Variants in LZTFL1 observed in about 807,000 individuals in gnomAD.
LZTFL1 encodes leucine zipper transcription factor like 1.
LZTFL1 carries 25 observed loss-of-function variants against 45.9 expected under a neutral mutation model. The ratio of observed to expected loss-of-function variants is 0.54; its 90% CI spans 0.40 to 0.76. The LOEUF is 0.76. Among genes scored for constraint, LZTFL1 ranks in the 30% least tolerant of loss-of-function variants. The pLI is 0.00. For synonymous variants in LZTFL1, 93 were observed against 117.4 expected, an observed-to-expected ratio of 0.79 and a Z score of 1.35; for missense variants, 277 against 331.1, an observed-to-expected ratio of 0.84 and a Z score of 1.27.
At chr3:45,862,082 T>C (rs551637251) in intron 2 of LZTFL1, among the ~76,000 whole-genome samples, 5 of 152,332 alleles carry the variant, frequency 3.3e-5, no homozygotes, top group African/African-American at 1.2e-4. Context: ...TTATCAAATG[T>C]GTATTGAGCA....
At chr3:45,871,689 T>C (rs1456885419) in intron 2 of LZTFL1, among the ~76,000 whole-genome samples, 1 of 151,508 alleles carries the variant, frequency 6.6e-6, no homozygotes, top group African/African-American at 2.4e-5. Context: ...TTTTTTTCCA[T>C]AGAGTGACGC....
At position 45,826,273 on chromosome 3, in the gene LZTFL1, G is replaced by T; in HGVS notation, c.*41C>A. ...ATACATGCCTGAGGTGAGACTGCTT[G>T]TATGTTTGCATGTGGTAGCTTCCAG... On this transcript the variant is annotated 3_prime_UTR_variant, in exon 10 of 10. Transcript: ENST00000296135. 1 of 1,592,160 alleles carries T rather than the reference G, an allele frequency of 6.3e-7. No individual in the cohort carries two copies. Among genetic ancestry groups the T allele is most frequent in the Non-Finnish European group, 8.6e-7 (1 of 1,160,690 alleles).
At chr3:45,915,162 A>T (rs1408545990) in intron 1 of LZTFL1, among the ~76,000 whole-genome samples, 2 of 152,124 alleles carry the variant, frequency 1.3e-5, no homozygotes, top group Non-Finnish European at 2.9e-5. Context: ...CACCAGATGC[A>T]TGGGGCAGCT....
chr3:45,901,809 G>A lies in LZTFL1; in HGVS notation c.-215+11311C>T. On this transcript the variant is annotated intron_variant, in intron 2 of 4. Coordinates refer to the LZTFL1 transcript ENST00000472635. The surrounding 1 kb of genome is among the most constrained non-coding windows in gnomAD (Gnocchi z 4.3). ...GAAGAACTTGGGTTGCATCAGCCAG[G>A]CCCAGTGGGTTTCATTTACAAGGAG... 4 of 1,614,090 alleles carry A rather than the reference G, an allele frequency of 2.5e-6. No individual in the cohort carries two copies. The highest frequency in any genetic ancestry group is 8.5e-7 in the Non-Finnish European group (1 of 1,179,960).
chr3:45,858,305 G>A (rs1701427567), intron 3 of LZTFL1, among the ~76,000 whole-genome samples: 1 of 152,090 alleles, frequency 6.6e-6, no homozygotes, highest in African/African-American at 2.4e-5. Flanking sequence ...AATTCCACAA[G>A]GCTTATACTT....
intron 2 of LZTFL1, among the ~76,000 whole-genome samples, chr3:45,874,065 A>G (rs889536258): frequency 1.4e-4 from 22 of 152,200 alleles, no homozygotes; most frequent in Non-Finnish European, 2.5e-4. Flanking sequence ...AGAGTTTACT[A>G]CATGTCAAAG....
At chr3:45,863,523 G>A (rs1701527504) in intron 2 of LZTFL1, among the ~76,000 whole-genome samples, 1 of 152,150 alleles carries the variant, frequency 6.6e-6, no homozygotes, top group Non-Finnish European at 1.5e-5. Context: ...CTCACCTAAA[G>A]GTTGATCCTA....
chr3:45,850,192 CAT>C (rs1162630166), intron 4 of LZTFL1, among the ~76,000 whole-genome samples: 1 of 152,194 alleles, frequency 6.6e-6, no homozygotes, highest in Non-Finnish European at 1.5e-5. Flanking sequence ...TCCAGTAATA[CAT>C]GTTTCATGTC....
intron 7 of LZTFL1, 95 bp from the exon 8 acceptor site, chr3:45,828,710 A>T (rs1321531058): frequency 8.9e-7 from 1 of 1,128,978 alleles, no homozygotes; most frequent in Admixed American, 2.2e-5. Context: ...GATGAAAAAA[A>T]TGATGTATGT....
intron 2 of LZTFL1, chr3:45,883,887 G>A (rs1701912319): frequency 1.9e-6 from 1 of 518,902 alleles, no homozygotes; most frequent in Non-Finnish European, 3.6e-6. Context: ...AGGCCCAGGA[G>A]CAAAACACTG....
At chr3:45,865,374 G>C (rs1701561245) in intron 2 of LZTFL1, among the ~76,000 whole-genome samples, 1 of 152,250 alleles carries the variant, frequency 6.6e-6, no homozygotes, top group African/African-American at 2.4e-5. Context: ...CGACCTCCAA[G>C]CTTCATTGTT....
At chr3:45,836,547 T>A (rs565782453) in intron 2 of LZTFL1, among the ~76,000 whole-genome samples, 1 of 152,154 alleles carries the variant, frequency 6.6e-6, no homozygotes, top group African/African-American at 2.4e-5. Flanking sequence ...CTTAGCTACT[T>A]AGGAGGCTGA....
intron 1 of LZTFL1, among the ~76,000 whole-genome samples, chr3:45,915,145 C>G (rs771922730): frequency 6.6e-6 from 1 of 152,178 alleles, no homozygotes; most frequent in Non-Finnish European, 1.5e-5. Flanking sequence ...CATTAAAGTG[C>G]TGCCTCCACC....
At chr3:45,866,237 C>T (rs1391379701) in intron 2 of LZTFL1, among the ~76,000 whole-genome samples, 1 of 152,082 alleles carries the variant, frequency 6.6e-6, no homozygotes. Context: ...CCGGTGTGTA[C>T]TACAGCAAGA....
intron 2 of LZTFL1, among the ~76,000 whole-genome samples, chr3:45,881,522 A>G (rs934663699): frequency 1.3e-5 from 2 of 152,068 alleles, no homozygotes; most frequent in Non-Finnish European, 2.9e-5. Context: ...TCACTCTCTG[A>G]GAATTGCCTC....
chr3:45,874,251 C>A (rs1479243077), intron 2 of LZTFL1, among the ~76,000 whole-genome samples: 1 of 152,132 alleles, frequency 6.6e-6, no homozygotes, highest in Non-Finnish European at 1.5e-5. Context: ...AAAATGATAG[C>A]CACTGAAAAA....
In LZTFL1 at chr3:45,831,283, C is replaced by T. The variant is rs3821889; in HGVS notation, c.457-145G>A. ...TACTACTGATATTTTGGTAATATCC[C>T]AATTTCATCCAGCCTATCAGCCTCA... On this transcript the variant is annotated intron_variant, in intron 5 of 9. Coordinates refer to ENST00000296135, the MANE Select transcript of LZTFL1 (RefSeq NM_020347.4). The T allele has an allele frequency of 1.0e-4, 55 of 544,448 alleles. No homozygotes were observed. In the East Asian group the frequency reaches 1.7e-3, roughly 16 times the overall value. The allele number at this position is 544,448 out of a possible 1,614,324, so 33.7% of individuals were successfully genotyped here. A position where few individuals can be genotyped will look rare whatever the true frequency, so the allele number is the denominator to read the frequency against.
intron 2 of LZTFL1, among the ~76,000 whole-genome samples, chr3:45,837,632 A>G (rs1190193775): frequency 1.3e-5 from 2 of 152,242 alleles, no homozygotes; most frequent in Non-Finnish European, 2.9e-5. Flanking sequence ...GGAATCTTCA[A>G]TACAACAAGC....
intron 2 of LZTFL1, among the ~76,000 whole-genome samples, chr3:45,874,526 T>C (rs777133359): frequency 1.3e-5 from 2 of 152,142 alleles, no homozygotes; most frequent in African/African-American, 4.8e-5. Context: ...AAATGTCACC[T>C]CCTCAGAGAG....
Sources: allele counts gnomAD v4.1 joint callset (sites outside exome capture counted in the v4.1 genomes callset), GRCh38; gene constraint gnomAD v4.1.1; non-coding constraint Gnocchi (gnomAD v3.1); transcripts MANE v1.5; gene names NCBI Gene and HGNC (gene_info 2026-07-23, HGNC 2026-07-21).